Variants in PRELID2 observed in about 807,000 individuals in gnomAD.
PRELID2 encodes the protein PRELI domain containing 2.
A neutral mutation model predicts 28.4 loss-of-function variants in PRELID2; 25 were observed. That is an observed-to-expected ratio of 0.88 (90% CI 0.64 to 1.23). PRELID2 has a LOEUF of 1.23. Ranked by LOEUF, PRELID2 falls within the 50% of genes most tolerant of loss-of-function variation. The pLI is 0.00. For missense variants in PRELID2, 201 were observed against 214.4 expected (o/e 0.94, Z 0.39); for synonymous variants, 76 against 71.6 (o/e 1.06, Z -0.31).
intron 1 of PRELID2, among the ~76,000 whole-genome samples, chr5:145,750,670 GC>G (rs1301704390): frequency 6.6e-6 from 1 of 152,182 alleles, no homozygotes; most frequent in African/African-American, 2.4e-5. Context: ...AGAAATATGT[GC>G]ATTTTGTACA....
At chr5:145,346,337 T>G in the PRELID2 span, among the ~76,000 whole-genome samples, 1 of 152,258 alleles carries the variant, frequency 6.6e-6, no homozygotes, top group South Asian at 2.1e-4. Flanking sequence ...ATCTGTTTGA[T>G]TGCTAAGATG....
At chr5:145,541,359 T>A (rs894400601) in intron 1 of PRELID2, among the ~76,000 whole-genome samples, 20 of 152,048 alleles carry the variant, frequency 1.3e-4, no homozygotes, top group African/African-American at 4.8e-4. Context: ...ATGTAGGAAC[T>A]TTTACGTCCT....
chr5:145,443,176 C>A, the PRELID2 span, among the ~76,000 whole-genome samples: 2 of 152,188 alleles, frequency 1.3e-5, no homozygotes, highest in Non-Finnish European at 2.9e-5. Context: ...TTCTGGCAGT[C>A]CAACCTGGCA....
the PRELID2 span, among the ~76,000 whole-genome samples, chr5:145,458,966 G>A: frequency 1.2e-4 from 18 of 152,286 alleles, no homozygotes; most frequent in South Asian, 2.5e-3. Context: ...ATCCAACAGA[G>A]CATGAATATA....
chr5:145,432,150 A>G, the PRELID2 span, among the ~76,000 whole-genome samples: 1 of 152,184 alleles, frequency 6.6e-6, no homozygotes, highest in South Asian at 2.1e-4. Flanking sequence ...TTCTGAGGAT[A>G]AAAGAAATTT....
intron 1 of PRELID2, among the ~76,000 whole-genome samples, chr5:145,505,147 T>C (rs1752397869): frequency 7.2e-6 from 1 of 139,134 alleles, no homozygotes; most frequent in African/African-American, 2.7e-5. Flanking sequence ...TATACACTTA[T>C]ATTTAAACAT....
In PRELID2 at chr5:145,700,575, C is replaced by G. The variant is rs565601525; in HGVS notation, n.70+64356G>C. Among the ~76,000 whole-genome samples, 152 of 114,644 alleles carry G rather than the reference C, an allele frequency of 1.3e-3. 1 individual carries two copies. Among genetic ancestry groups the G allele is most frequent in the African/African-American group, 6.3e-3 (135 of 21,522 alleles). The allele number at this position is 114,644 out of a possible 152,430, so 75.2% of individuals were successfully genotyped here. ...GCACATCTGGGACCTCTAGGACCCA[C>G]AGCTGGTATCATTTCTTATTGGTAG... On this transcript the variant is annotated intron_variant and non_coding_transcript_variant, in intron 1 of 2. Coordinates refer to the PRELID2 transcript ENST00000510259.
At chr5:145,256,518 C>A in the PRELID2 span, among the ~76,000 whole-genome samples, 11,743 of 151,862 alleles carry the variant, frequency 0.077, 1,085 homozygotes, top group African/African-American at 0.21. Context: ...ACCTTAGTTG[C>A]CCTTTTCCAT....
chr5:145,780,074 A>G (rs1758691426), intron 5 of PRELID2, among the ~76,000 whole-genome samples: 2 of 152,204 alleles, frequency 1.3e-5, no homozygotes, highest in Non-Finnish European at 2.9e-5. Context: ...GCACTTTGGG[A>G]GGCCGAGGCA....
At chr5:145,709,933 C>T (rs1222799595) in intron 1 of PRELID2, among the ~76,000 whole-genome samples, 1 of 152,130 alleles carries the variant, frequency 6.6e-6, no homozygotes, top group African/African-American at 2.4e-5. Flanking sequence ...AGGGATTATT[C>T]CAACCCATTT....
chr5:145,711,476 G>A (rs1048750038), intron 1 of PRELID2, among the ~76,000 whole-genome samples: 4 of 152,148 alleles, frequency 2.6e-5, no homozygotes, highest in Admixed American at 2.6e-4. Flanking sequence ...AGTTGTGAAA[G>A]GCTAAGTGAG....
the PRELID2 span, among the ~76,000 whole-genome samples, chr5:145,385,610 A>G: frequency 6.6e-6 from 1 of 152,216 alleles, no homozygotes; most frequent in Non-Finnish European, 1.5e-5. Context: ...ACTGTAACAC[A>G]TGGTAGTAAA....
intron 1 of PRELID2, among the ~76,000 whole-genome samples, chr5:145,517,439 G>A (rs137904288): frequency 0.038 from 5,754 of 152,214 alleles, 173 homozygotes; most frequent in Middle Eastern, 0.078. Context: ...ACCACGATGA[G>A]ATACCATCTC....
intron 1 of PRELID2, among the ~76,000 whole-genome samples, chr5:145,634,701 AT>A (rs1753977304): frequency 6.6e-6 from 1 of 152,166 alleles, no homozygotes; most frequent in South Asian, 2.1e-4. Context: ...CACTTATGTA[AT>A]AGTCTTTCTT....
intron 1 of PRELID2, among the ~76,000 whole-genome samples, chr5:145,499,024 A>G (rs1247898587): frequency 1.3e-5 from 2 of 152,166 alleles, no homozygotes; most frequent in Non-Finnish European, 2.9e-5. Flanking sequence ...TTTAAAGTAT[A>G]TTATATAGAG....
chr5:145,828,368 C>A (rs2149885532), intron 1 of PRELID2, among the ~76,000 whole-genome samples: 1 of 152,272 alleles, frequency 6.6e-6, no homozygotes, highest in East Asian at 1.9e-4. Flanking sequence ...TGGTTTTTAT[C>A]TTGCAATTTA....
At chr5:145,581,850 C>CATT (rs1465160379) in intron 1 of PRELID2, among the ~76,000 whole-genome samples, 2 of 152,054 alleles carry the variant, frequency 1.3e-5, no homozygotes, top group Non-Finnish European at 2.9e-5. Flanking sequence ...TTATTCTAGT[C>CATT]ATTATTTCAA....
the PRELID2 span, among the ~76,000 whole-genome samples, chr5:145,382,545 A>G: frequency 1.3e-5 from 2 of 152,048 alleles, no homozygotes; most frequent in Non-Finnish European, 2.9e-5. Flanking sequence ...AAAACAATAG[A>G]GTCAAGAAGG....
At chr5:145,336,265 CTCT>C in the PRELID2 span, among the ~76,000 whole-genome samples, 1 of 151,946 alleles carries the variant, frequency 6.6e-6, no homozygotes, top group Non-Finnish European at 1.5e-5. Flanking sequence ...TGTGCAGAAG[CTCT>C]TTAGTTTAAT....
Sources: allele counts gnomAD v4.1 joint callset (sites outside exome capture counted in the v4.1 genomes callset), GRCh38; gene constraint gnomAD v4.1.1; transcripts MANE v1.5; gene names NCBI Gene and HGNC (gene_info 2026-07-23, HGNC 2026-07-21).